Variants in GPRIN2 observed in about 807,000 individuals in gnomAD.
GPRIN2 encodes G protein regulated inducer of neurite outgrowth 2.
In GPRIN2, 1 loss-of-function variant was observed where a neutral mutation model predicts 0.3. The ratio of observed to expected loss-of-function variants is 3.90; its 90% CI spans 1.39 to 18.51. GPRIN2 has a LOEUF of 18.51. Among genes scored for constraint, GPRIN2 ranks in the 30% most tolerant of loss-of-function variants. GPRIN2 has a pLI of 0.11. For synonymous variants in GPRIN2, 361 were observed against 258.6 expected, an observed-to-expected ratio of 1.40 and a Z score of -3.80; for missense variants, 880 against 604.2, an observed-to-expected ratio of 1.46 and a Z score of -4.79.
At position 46,550,314 on chromosome 10, in the gene GPRIN2, G is replaced by A. The variant is rs1832412398; in HGVS notation, c.423C>T (p.Leu141=). 2 of 1,613,250 alleles carry A rather than the reference G, an allele frequency of 1.2e-6. No homozygotes were observed. Among genetic ancestry groups the A allele is most frequent in the East Asian group, 4.5e-5 (2 of 44,894 alleles). Residue 141 remains leucine (L), a synonymous_variant, in exon 3 of 3, where the codon CTC becomes CTT. Transcript: ENST00000374314. ...RGHSGARKAS[L]SCSALGSSPV... ...GGCTGCTGCCAAGGGCTGAGCAGCT[G>A]AGACTGGCCTTCCGAGCACCACTGT...
Position 46,549,171 on chromosome 10 carries a change from A to G in GPRIN2, c.*189T>C. 1.4e-6 allele frequency: 1 copy of G among 726,282 alleles called. No homozygotes were observed. The highest frequency in any genetic ancestry group is 2.1e-6 in the Non-Finnish European group (1 of 480,856). 45.0% of individuals were successfully genotyped at this position (726,282 alleles called of 1,614,324 possible). Reference sequence around the variant, plus strand: ...GTGGCCCTTGGAAATCAAGCCCTTAAGAAAACAGCCCAGCTGTGTAGGGCC... The same window carrying G: ...GTGGCCCTTGGAAATCAAGCCCTTAGGAAAACAGCCCAGCTGTGTAGGGCC... On this transcript the variant is annotated 3_prime_UTR_variant, in exon 3 of 3. Transcript: ENST00000374314.
rs1841827427 is a variant in GPRIN2 at position 46,542,364 on chromosome 10, G to A, written c.*6996C>T. On this transcript the variant is annotated 3_prime_UTR_variant, in exon 3 of 3. Transcript: ENST00000374314. ...GAATTGTAATCCCTATAATCCCCAT[G>A]TGACAAGGGAGAGATCAGGTGGAGG... 6.6e-6 allele frequency among the ~76,000 whole-genome samples: 1 copy of A among 152,310 alleles called. No individual in the cohort carries two copies. The highest frequency in any genetic ancestry group is 6.5e-5 in the Admixed American group (1 of 15,294).
rs1202705444 is a variant in GPRIN2, at chr10:46,542,692, G to C, written c.*6668C>G. ...TAGCAGCATGAAAATGGACTAATAT[G>C]GAGGGGTCAAAGACAGAAATCTCCT... On this transcript the variant is annotated 3_prime_UTR_variant, in exon 3 of 3. Transcript: ENST00000374314. Among the ~76,000 whole-genome samples, 1 of 152,312 alleles carries C rather than the reference G, an allele frequency of 6.6e-6. No homozygotes were observed. Among genetic ancestry groups the C allele is most frequent in the African/African-American group, 2.4e-5 (1 of 41,488 alleles).
rs1842335364 is a variant in GPRIN2, at chr10:46,548,126, G to C, written c.*1234C>G. On this transcript the variant is annotated 3_prime_UTR_variant, in exon 3 of 3. Transcript: ENST00000374314. The stretch of plus-strand genomic sequence containing the variant: ...TGGTCCCTCACACGGGTGGATTGGG[G>C]GGCTGTGTCACGGGATCTTAGGATC... Among the ~76,000 whole-genome samples the C allele has an allele frequency of 6.6e-6, 1 of 152,312 alleles. No individual in the cohort carries two copies. Among genetic ancestry groups the C allele is most frequent in the South Asian group, 2.1e-4 (1 of 4,838 alleles).
chr10:46,550,487 G>A lies in GPRIN2; in HGVS notation c.250C>T (p.Pro84Ser), dbSNP rs145071603. ...PARASGPKAR[P>S]SAGGHWWSST... ...CTCCACCAGTGGCCTCCAGCACTGG[G>A]TCGCGCCTTGGGGCCAGAGGCCCGT... Residue 84 changes from proline (P) to serine (S), a missense_variant, in exon 3 of 3, where the codon CCC becomes TCC. Physicochemically the swap from Pro to Ser is moderately conservative, Grantham distance 74. Transcript: ENST00000374314. 1,216 of 1,608,464 alleles carry A rather than the reference G, an allele frequency of 7.6e-4. No homozygotes were observed. The African/African-American group carries it at 0.014, about 18-fold the overall frequency.
At position 46,550,129 on chromosome 10, in the gene GPRIN2, T is replaced by A; in HGVS notation, c.608A>T (p.Asp203Val). Residue 203 changes from aspartate to valine, a missense_variant, in exon 3 of 3, where the codon GAC becomes GTC. Asp to Val is a radical substitution (Grantham distance 152). Transcript: ENST00000374314. ...QLSVPPLDLGDTTAHSSSAQA... is the reference protein window; with the variant it reads ...QLSVPPLDLGVTTAHSSSAQA... ...GGCACTGCTGCTGTGGGCAGTTGTGTCCCCCAGGTCTAGTGGTGGCACTGA... is the reference window on the plus strand; with the variant it reads ...GGCACTGCTGCTGTGGGCAGTTGTGACCCCCAGGTCTAGTGGTGGCACTGA... The A allele has an allele frequency of 6.2e-7, 1 of 1,607,256 alleles. No individual in the cohort carries two copies.
chr10:46,551,443 C>A, intron 2 of GPRIN2: 1 of 985,536 alleles, frequency 1.0e-6, no homozygotes, highest in Non-Finnish European at 1.2e-6. Context: ...AGGAGAGGCC[C>A]CATGCATCAG....
Position 46,547,805 on chromosome 10 carries a change from G to A in GPRIN2, c.*1555C>T, listed in dbSNP as rs1272205827. 6.6e-6 allele frequency among the ~76,000 whole-genome samples: 1 copy of A among 152,308 alleles called. No individual in the cohort carries two copies. Among genetic ancestry groups the A allele is most frequent in the African/African-American group, 2.4e-5 (1 of 41,486 alleles). On this transcript the variant is annotated 3_prime_UTR_variant, in exon 3 of 3. Transcript: ENST00000374314. Reference sequence around the variant, plus strand: ...ACTGACAGCCCCAGAATCCCAAGGGGTGCACCTATGCATATGGGAAAGGCA... The same window carrying A: ...ACTGACAGCCCCAGAATCCCAAGGGATGCACCTATGCATATGGGAAAGGCA...
At position 46,549,862 on chromosome 10, in the gene GPRIN2, C is replaced by G; in HGVS notation, c.875G>C (p.Cys292Ser). 1 of 1,614,264 alleles carries G rather than the reference C, an allele frequency of 6.2e-7. No homozygotes were observed. The highest frequency in any genetic ancestry group is 8.5e-7 in the Non-Finnish European group (1 of 1,180,058). Reference sequence around the variant, plus strand: ...AGCGGGACCCCAAAGGTGGGCACAGCAATGGGAATGCCCAGGGAGCCCCCC... The same window carrying G: ...AGCGGGACCCCAAAGGTGGGCACAGGAATGGGAATGCCCAGGGAGCCCCCC... ...LSGGLPGHSH[C>S]CAHLWGPAGL... The change falls in exon 3 of 3, where the codon TGC becomes TCC. Residue 292 changes from cysteine (C) to serine (S), a missense_variant. Cys to Ser is a moderately radical substitution (Grantham distance 112). Transcript: ENST00000374314.
intron 1 of GPRIN2, among the ~76,000 whole-genome samples, chr10:46,554,926 T>C (rs1347457852): frequency 1.3e-5 from 2 of 152,304 alleles, no homozygotes; most frequent in African/African-American, 4.8e-5. Context: ...GTGGCATCCA[T>C]CTAAGTCCCC....
rs1555020260 is a variant in GPRIN2, at chr10:46,550,481, C to T, written c.256G>A (p.Ala86Thr). The change falls in exon 3 of 3, where the codon GCT (alanine) becomes ACT (threonine). Residue 86 changes from alanine to threonine, a missense_variant. Coordinates refer to ENST00000374314, the MANE Select transcript of GPRIN2 (RefSeq NM_001385282.1). The stretch of plus-strand genomic sequence containing the variant: ...GTGCTGCTCCACCAGTGGCCTCCAG[C>T]ACTGGGTCGCGCCTTGGGGCCAGAG... ...RASGPKARPS[A>T]GGHWWSSTVG... The T allele has an allele frequency of 1.2e-6, 2 of 1,610,498 alleles. No homozygotes were observed. Among genetic ancestry groups the T allele is most frequent in the Middle Eastern group, 1.6e-4 (1 of 6,080 alleles).
intron 2 of GPRIN2, chr10:46,551,566 TTC>T: frequency 1.1e-6 from 1 of 945,330 alleles, no homozygotes; most frequent in Non-Finnish European, 1.3e-6. Context: ...ATTCAGACCT[TTC>T]TGTACCCCTG....
rs1832899120 is a variant in GPRIN2, at chr10:46,546,472, G to A, written c.*2888C>T. On this transcript the variant is annotated 3_prime_UTR_variant, in exon 3 of 3. Coordinates refer to ENST00000374314, the MANE Select transcript of GPRIN2 (RefSeq NM_001385282.1). ...CGATGCCCCATCCCTGCTGGGGTCT[G>A]GCAAAGCTCTCACCTCCAAATTTGT... 3.8e-3 allele frequency among the ~76,000 whole-genome samples: 579 copies of A among 152,088 alleles called. No individual in the cohort carries two copies. The highest frequency in any genetic ancestry group is 5.6e-3 in the Non-Finnish European group (381 of 67,788).
chr10:46,544,288 C>T lies in GPRIN2; in HGVS notation c.*5072G>A, dbSNP rs1841969157. ...GCCAAGGGCAGGCAGTTCCCAATCT[C>T]CACAAGGGCAAGAAGGTAGAGTCCA... On this transcript the variant is annotated 3_prime_UTR_variant, in exon 3 of 3. Coordinates refer to ENST00000374314, the MANE Select transcript of GPRIN2 (RefSeq NM_001385282.1). Among the ~76,000 whole-genome samples, 1 of 152,312 alleles carries T rather than the reference C, an allele frequency of 6.6e-6. No homozygotes were observed. Among genetic ancestry groups the T allele is most frequent in the Admixed American group, 6.5e-5 (1 of 15,294 alleles).
intron 2 of GPRIN2, among the ~76,000 whole-genome samples, chr10:46,552,842 G>C (rs1038559687): frequency 6.6e-6 from 1 of 152,306 alleles, no homozygotes; most frequent in Non-Finnish European, 1.5e-5. Context: ...GCTGCTTCAC[G>C]GGGCTGAAGC....
At position 46,549,385 on chromosome 10, in the gene GPRIN2, C is replaced by T. The variant is rs1555016927; in HGVS notation, c.1352G>A (p.Gly451Asp). The change falls in exon 3 of 3, where the codon GGC becomes GAC. Residue 451 changes from glycine (G) to aspartate (D), a missense_variant. Physicochemically the swap from Gly to Asp is moderately conservative, Grantham distance 94 (BLOSUM62 -1). Transcript: ENST00000374314. ...TCACTCGGGGGCCGCGCCGGAGCAGCCGCAGCAGCTGGGGCGCCGCAGGGA... is the reference window on the plus strand; with the variant it reads ...TCACTCGGGGGCCGCGCCGGAGCAGTCGCAGCAGCTGGGGCGCCGCAGGGA... ...MQSLRRPSCCGCSGAAPE is the reference protein window; with the variant it reads ...MQSLRRPSCCDCSGAAPE 4.7e-6 allele frequency: 7 copies of T among 1,490,470 alleles called. No homozygotes were observed. Among genetic ancestry groups the T allele is most frequent in the Non-Finnish European group, 6.2e-6 (7 of 1,122,724 alleles). 92.3% of individuals were successfully genotyped at this position (1,490,470 alleles called of 1,614,324 possible).
chr10:46,550,639 C>T lies in GPRIN2; in HGVS notation c.98G>A (p.Arg33Gln), dbSNP rs151134434. ...CTTGCGGAGCTCTGGCCTCTGTTCC[C>T]GGCCTTCACCCAGCAGGCTGGAAGA... ...QSSSSLLGEGREQRPELRKTA... is the reference protein window; with the variant it reads ...QSSSSLLGEGQEQRPELRKTA... Residue 33 changes from arginine to glutamine, a missense_variant, in exon 3 of 3, where the codon CGG becomes CAG. Physicochemically the swap from Arg to Gln is conservative, Grantham distance 43. Coordinates refer to ENST00000374314, the MANE Select transcript of GPRIN2 (RefSeq NM_001385282.1). The T allele has an allele frequency of 3.5e-4, 554 of 1,569,352 alleles. No individual in the cohort carries two copies. In the Middle Eastern group the frequency reaches 0.013, roughly 38 times the overall value.
At chr10:46,556,292 G>A (rs1843210095) in intron 1 of GPRIN2, among the ~76,000 whole-genome samples, 2 of 152,310 alleles carry the variant, frequency 1.3e-5, no homozygotes, top group Admixed American at 1.3e-4. Context: ...AGGAGACGTA[G>A]AAGAGGGGAC....
rs1483505977 is a variant in GPRIN2 at position 46,542,909 on chromosome 10, C to A, written c.*6451G>T. 6.6e-6 allele frequency among the ~76,000 whole-genome samples: 1 copy of A among 152,304 alleles called. No homozygotes were observed. Among genetic ancestry groups the A allele is most frequent in the Non-Finnish European group, 1.5e-5 (1 of 68,054 alleles). ...CCTAAAGCCAGCAGATGGGTGCCAC[C>A]CACCTGATGTACCTCTCTAGCAGCC... On this transcript the variant is annotated 3_prime_UTR_variant, in exon 3 of 3. Coordinates refer to ENST00000374314, the MANE Select transcript of GPRIN2 (RefSeq NM_001385282.1).
Sources: allele counts gnomAD v4.1 joint callset (sites outside exome capture counted in the v4.1 genomes callset), GRCh38; gene constraint gnomAD v4.1.1; transcripts MANE v1.5; gene names NCBI Gene and HGNC (gene_info 2026-07-23, HGNC 2026-07-21).